Variants in FOXO3 observed in about 807,000 individuals in gnomAD.
FOXO3 encodes forkhead box O3.
A neutral mutation model predicts 41.9 loss-of-function variants in FOXO3; 4 were observed. The ratio of observed to expected loss-of-function variants is 0.10; its 90% CI spans 0.05 to 0.22. The LOEUF is 0.22. Ranked by LOEUF, FOXO3 falls within the 10% of genes least tolerant of loss-of-function variation. The pLI, the probability that FOXO3 is intolerant of heterozygous loss-of-function variation, is 1.00. For missense variants in FOXO3, 534 were observed against 906.8 expected (o/e 0.59, Z 5.28); for synonymous variants, 318 against 389.3 (o/e 0.82, Z 2.16).
intron 1 of FOXO3, among the ~76,000 whole-genome samples, chr6:108,622,820 A>G (rs1223791700): frequency 6.7e-6 from 1 of 150,232 alleles, no homozygotes; most frequent in Non-Finnish European, 1.5e-5. Flanking sequence ...GCAGTGACTC[A>G]TTTTGCATGA....
chr6:108,605,352 T>C (rs1173838404), intron 1 of FOXO3, among the ~76,000 whole-genome samples: 2 of 152,086 alleles, frequency 1.3e-5, no homozygotes, highest in African/African-American at 4.8e-5. Flanking sequence ...CTCCTGACCT[T>C]GTGATCTGCC....
intron 2 of FOXO3, among the ~76,000 whole-genome samples, chr6:108,672,378 A>G (rs1285968419): frequency 6.6e-6 from 1 of 152,046 alleles, no homozygotes; most frequent in Non-Finnish European, 1.5e-5. Flanking sequence ...GAAAACCCAG[A>G]AAAAAAATAG....
chr6:108,563,452 A>G (rs139284900), intron 1 of FOXO3, among the ~76,000 whole-genome samples: 9 of 152,370 alleles, frequency 5.9e-5, no homozygotes, highest in African/African-American at 1.7e-4. Context: ...TGAAAAGAGC[A>G]CTAGTGTGAT....
At chr6:108,616,973 T>G (rs1777533953) in intron 1 of FOXO3, among the ~76,000 whole-genome samples, 1 of 152,236 alleles carries the variant, frequency 6.6e-6, no homozygotes, top group Non-Finnish European at 1.5e-5. Context: ...TAATTTCTTT[T>G]TATTGCTAAA....
chr6:108,609,646 A>G (rs1057082356), intron 1 of FOXO3, among the ~76,000 whole-genome samples: 1 of 152,200 alleles, frequency 6.6e-6, no homozygotes, highest in Non-Finnish European at 1.5e-5. Flanking sequence ...CTCTTTGTAT[A>G]TAACGCTGTG....
upstream of FOXO3, chr6:108,560,150 T>TA (rs1346852604): frequency 6.6e-6 from 1 of 152,432 alleles, no homozygotes; most frequent in Non-Finnish European, 1.5e-5. Context: ...GCTAGTGTTT[T>TA]TAAAGGACTC....
rs1777091268 is a variant in FOXO3 at position 108,602,870 on chromosome 6, A to G, written c.621+41041A>G. On this transcript the variant is annotated intron_variant, in intron 1 of 2. Transcript: ENST00000406360. The stretch of plus-strand genomic sequence containing the variant: ...CTGCTAAGACAAGGTAGAGTAGGAG[A>G]TACTTTTCTTCCCTCTTTATGCTGA... Among the ~76,000 whole-genome samples the G allele has an allele frequency of 2.6e-5, 4 of 152,112 alleles. No individual in the cohort carries two copies. In the South Asian group the frequency reaches 8.3e-4, roughly 31 times the overall value.
intron 1 of FOXO3, among the ~76,000 whole-genome samples, chr6:108,605,062 TA>T (rs1483897212): frequency 6.6e-6 from 1 of 152,112 alleles, no homozygotes; most frequent in Non-Finnish European, 1.5e-5. Flanking sequence ...TTAGTTGAGA[TA>T]AATGAAGTTC....
chr6:108,591,712 T>C (rs1237571426), intron 1 of FOXO3, among the ~76,000 whole-genome samples: 2 of 152,176 alleles, frequency 1.3e-5, no homozygotes, highest in Non-Finnish European at 2.9e-5. Context: ...GAGCCAGTTA[T>C]TGTATAGGGA....
At chr6:108,609,955 A>G (rs1236379839) in intron 1 of FOXO3, among the ~76,000 whole-genome samples, 1 of 152,148 alleles carries the variant, frequency 6.6e-6, no homozygotes, top group Non-Finnish European at 1.5e-5. Context: ...ACATATGTAC[A>G]TTTTTGAAAA....
Position 108,646,131 on chromosome 6 carries a change from G to A in FOXO3, c.622-17324G>A, listed in dbSNP as rs570651488. Reference sequence around the variant, plus strand: ...CTCAGGGTCTCCTCATGGTCCATCCGAATGGAGGCCAAAAGGAGGAAAAAC... The same window carrying A: ...CTCAGGGTCTCCTCATGGTCCATCCAAATGGAGGCCAAAAGGAGGAAAAAC... On this transcript the variant is annotated intron_variant, in intron 1 of 2. Coordinates refer to ENST00000406360, the MANE Select transcript of FOXO3 (RefSeq NM_001455.4). Among the ~76,000 whole-genome samples the A allele has an allele frequency of 7.2e-5, 11 of 152,228 alleles. No individual in the cohort carries two copies. The South Asian group carries it at 1.7e-3, about 23-fold the overall frequency.
At chr6:108,659,444 A>C (rs2128385558) in intron 1 of FOXO3, among the ~76,000 whole-genome samples, 1 of 152,332 alleles carries the variant, frequency 6.6e-6, no homozygotes, top group South Asian at 2.1e-4. Context: ...TAGGAAACCC[A>C]GTGTCAGTTT....
chr6:108,636,964 A>C (rs1778137434), intron 1 of FOXO3, among the ~76,000 whole-genome samples: 9 of 152,134 alleles, frequency 5.9e-5, no homozygotes, highest in Admixed American at 5.9e-4. Flanking sequence ...GGCTGTGTAA[A>C]TGGACCTGCA....
intron 1 of FOXO3, among the ~76,000 whole-genome samples, chr6:108,660,496 C>T (rs1297761623): frequency 6.6e-6 from 1 of 152,206 alleles, no homozygotes; most frequent in African/African-American, 2.4e-5. Flanking sequence ...TCCTGAACTA[C>T]AGGCCCTTCC....
chr6:108,644,698 C>A (rs969860669), intron 1 of FOXO3, among the ~76,000 whole-genome samples: 1 of 152,168 alleles, frequency 6.6e-6, no homozygotes, highest in African/African-American at 2.4e-5. Flanking sequence ...TCCGCTCCAT[C>A]CTCTCTAGGT....
At chr6:108,628,832 G>C (rs1430720534) in intron 1 of FOXO3, among the ~76,000 whole-genome samples, 3 of 152,012 alleles carry the variant, frequency 2.0e-5, no homozygotes, top group African/African-American at 7.2e-5. Flanking sequence ...GAAGAATCTT[G>C]GGTGGGTGAA....
At chr6:108,666,525 A>T (rs1285711050) in intron 2 of FOXO3, among the ~76,000 whole-genome samples, 17 of 148,330 alleles carry the variant, frequency 1.1e-4, no homozygotes, top group African/African-American at 4.2e-4. Flanking sequence ...TTTAATTTTT[A>T]GTAGAGATGG....
chr6:108,573,462 G>C (rs1776166768), intron 1 of FOXO3, among the ~76,000 whole-genome samples: 1 of 152,134 alleles, frequency 6.6e-6, no homozygotes, highest in African/African-American at 2.4e-5. Context: ...GCACCTCTCT[G>C]TGTGCTGGTG....
At chr6:108,580,777 ATTGT>A (rs1255168496) in intron 1 of FOXO3, among the ~76,000 whole-genome samples, 3 of 152,208 alleles carry the variant, frequency 2.0e-5, no homozygotes. Context: ...CGTAGCTGTC[ATTGT>A]TTGAGAACCC....
Sources: gnomAD v4.1 joint callset for allele counts (sites outside exome capture counted in the v4.1 genomes callset) on GRCh38, gnomAD v4.1.1 for gene constraint, MANE v1.5 for transcripts, NCBI Gene and HGNC (gene_info 2026-07-23, HGNC 2026-07-21) for gene names.